PEX26: variants seen among roughly 807,000 people sequenced by gnomAD.
PEX26 encodes the protein peroxisomal biogenesis factor 26.
A neutral mutation model predicts 31.4 loss-of-function variants in PEX26; 18 were observed. The ratio of observed to expected loss-of-function variants is 0.57; its 90% CI spans 0.40 to 0.85. The LOEUF is 0.85. PEX26 is among the 40% of genes least tolerant of loss of function. PEX26 has a pLI of 0.00. For synonymous variants in PEX26, 176 were observed against 166.9 expected, an observed-to-expected ratio of 1.05 and a Z score of -0.42; for missense variants, 377 against 383.9, an observed-to-expected ratio of 0.98 and a Z score of 0.15.
At position 18,089,934 on chromosome 22, in the gene PEX26, A is replaced by C. The variant is rs146739242; in HGVS notation, c.*1859A>C. 0.035 allele frequency: 5,290 copies of C among 152,060 alleles called. 275 individuals carry two copies. Among genetic ancestry groups the C allele is most frequent in the African/African-American group, 0.12 (4,937 of 41,466 alleles). The allele number at this position is 152,060 out of a possible 1,614,324, so 9.4% of individuals were successfully genotyped here. ...AGCCGGGATGGTCTCGATCTCCTGA[A>C]CTTGTGATCCACCCACCTAGGCCTC... On this transcript the variant is annotated 3_prime_UTR_variant, in exon 5 of 5. Transcript: ENST00000399744.
At chr22:18,086,233 A>G (rs1468869091) in intron 4 of PEX26, among the ~76,000 whole-genome samples, 2 of 152,132 alleles carry the variant, frequency 1.3e-5, no homozygotes, top group Non-Finnish European at 2.9e-5. Context: ...CAGGAGGCGG[A>G]GGTTGCAGTG....
At chr22:18,078,632 C>G in intron 1 of PEX26, 26 bp downstream of exon 1, 1 of 1,578,414 alleles carries the variant, frequency 6.3e-7, no homozygotes, top group East Asian at 2.3e-5. Flanking sequence ...GGAAATGAAC[C>G]GATTTCCGGG....
rs1415381952 is a variant in PEX26, at chr22:18,103,075, A to G, written c.*15000A>G. 1 of 115,048 alleles carries G rather than the reference A, an allele frequency of 8.7e-6. No individual in the cohort carries two copies. Among genetic ancestry groups the G allele is most frequent in the Admixed American group, 1.3e-4 (1 of 7,818 alleles). 7.1% of individuals were successfully genotyped at this position (115,048 alleles called of 1,614,324 possible). The stretch of plus-strand genomic sequence containing the variant: ...GCTATTGCACTCCAGCCTGGGCGAC[A>G]GTGTGCGACTGCATCTCAAAAAAAA... On this transcript the variant is annotated 3_prime_UTR_variant, in exon 5 of 5. Coordinates refer to ENST00000399744, the MANE Select transcript of PEX26 (RefSeq NM_001127649.3).
rs375516733 is a variant in PEX26, at chr22:18,083,538, C to A, written c.473C>A (p.Ala158Asp). 1.1e-5 allele frequency: 18 copies of A among 1,613,998 alleles called. No homozygotes were observed. The highest frequency in any genetic ancestry group is 1.7e-5 in the Admixed American group (1 of 60,000). ...PANQNLPEYG[A>D]LAEFHVQRVL... is the part of the protein sequence containing the mutation. ...AATCAAAACCTTCCAGAATATGGAG[C>A]CTTGGCAGAATTTCACGTGCAGCGG... Residue 158 changes from alanine (A) to aspartate (D), a missense_variant, in exon 3 of 5, where the codon GCC (alanine) becomes GAC (aspartate). By Grantham distance (126) the Ala-to-Asp change is moderately radical. Transcript: ENST00000399744.
chr22:18,096,900 T>G lies in PEX26; in HGVS notation c.*8825T>G, dbSNP rs187684083. The G allele has an allele frequency of 2.6e-5, 4 of 152,334 alleles. No homozygotes were observed. The highest frequency in any genetic ancestry group is 9.6e-5 in the African/African-American group (4 of 41,576). The allele number at this position is 152,334 out of a possible 1,614,324, so 9.4% of individuals were successfully genotyped here. A position where few individuals can be genotyped will look rare whatever the true frequency, so the allele number is the denominator to read the frequency against. On this transcript the variant is annotated 3_prime_UTR_variant, in exon 5 of 5. Coordinates refer to ENST00000399744, the MANE Select transcript of PEX26 (RefSeq NM_001127649.3). ...GAAGTATCAGAGACTGGGTAATTGT[T>G]GAAGAAAAGAGGTTTAACTGACTCA...
At position 18,099,914 on chromosome 22, in the gene PEX26, G is replaced by C. The variant is rs1927402628; in HGVS notation, c.*11839G>C. On this transcript the variant is annotated 3_prime_UTR_variant, in exon 5 of 5. Transcript: ENST00000399744. ...CCCTAATCCAGGATGATCTCATCTT[G>C]AGGTCCTCAATTACATCAAGATCCT... The C allele has an allele frequency of 6.6e-6, 1 of 152,096 alleles. No homozygotes were observed. The highest frequency in any genetic ancestry group is 1.5e-5 in the Non-Finnish European group (1 of 68,032). 9.4% of individuals were successfully genotyped at this position (152,096 alleles called of 1,614,324 possible).
intron 4 of PEX26, among the ~76,000 whole-genome samples, chr22:18,086,131 C>T (rs369546520): frequency 4.6e-5 from 7 of 152,106 alleles, no homozygotes; most frequent in East Asian, 1.9e-4. Context: ...AACCCCGTCT[C>T]TACTAAAAAT....
Position 18,093,523 on chromosome 22 carries a change from A to C in PEX26, c.*5448A>C, listed in dbSNP as rs1474389850. Reference sequence around the variant, plus strand: ...GCTTGCAGTGAGCCTAGATGGCGCCACTGCACTCCAGCCTGGGGGACAGAG... The same window carrying C: ...GCTTGCAGTGAGCCTAGATGGCGCCCCTGCACTCCAGCCTGGGGGACAGAG... On this transcript the variant is annotated 3_prime_UTR_variant, in exon 5 of 5. Coordinates refer to ENST00000399744, the MANE Select transcript of PEX26 (RefSeq NM_001127649.3). The C allele has an allele frequency of 6.6e-6, 1 of 151,726 alleles. No individual in the cohort carries two copies. The highest frequency in any genetic ancestry group is 1.9e-4 in the East Asian group (1 of 5,164). 9.4% of individuals were successfully genotyped at this position (151,726 alleles called of 1,614,324 possible).
rs1927540748 is a variant in PEX26 at position 18,104,064 on chromosome 22, T to C, written c.*15989T>C. On this transcript the variant is annotated 3_prime_UTR_variant, in exon 5 of 5. Transcript: ENST00000399744. ...CAATATGTGAAGTGATTGGAAAAAATGAGACTATTCAACCAGTTGTTTCAG... is the reference window on the plus strand; with the variant it reads ...CAATATGTGAAGTGATTGGAAAAAACGAGACTATTCAACCAGTTGTTTCAG... 1 of 151,982 alleles carries C rather than the reference T, an allele frequency of 6.6e-6. No individual in the cohort carries two copies. Among genetic ancestry groups the C allele is most frequent in the Non-Finnish European group, 1.5e-5 (1 of 68,022 alleles). 9.4% of individuals were successfully genotyped at this position (151,982 alleles called of 1,614,324 possible). A position where few individuals can be genotyped will look rare whatever the true frequency, so the allele number is the denominator to read the frequency against.
chr22:18,093,816 A>T lies in PEX26; in HGVS notation c.*5741A>T, dbSNP rs1170038823. The T allele has an allele frequency of 3.9e-5, 6 of 152,374 alleles. No homozygotes were observed. Among genetic ancestry groups the T allele is most frequent in the Admixed American group, 3.9e-4 (6 of 15,308 alleles). 9.4% of individuals were successfully genotyped at this position (152,374 alleles called of 1,614,324 possible). On this transcript the variant is annotated 3_prime_UTR_variant, in exon 5 of 5. Coordinates refer to ENST00000399744, the MANE Select transcript of PEX26 (RefSeq NM_001127649.3). ...AGCCCATGCACTTGAGAACCTGTAG[A>T]AAATGGCAGTGTGCAACCAGCATGG...
Position 18,093,420 on chromosome 22 carries a change from GGGCGTGGT to G in PEX26, c.*5350_*5357del, listed in dbSNP as rs1927182045. On this transcript the variant is annotated 3_prime_UTR_variant, in exon 5 of 5. Transcript: ENST00000399744. ...ACTAAAAAAATACAAAAAATTAGCC[GGGCGTGGT>G]GGCGGGTGCCTGTAGCCCCAGCTAC... 1 of 152,030 alleles carries G rather than the reference GGGCGTGGT, an allele frequency of 6.6e-6. No homozygotes were observed. The highest frequency in any genetic ancestry group is 1.5e-5 in the Non-Finnish European group (1 of 68,028). The allele number at this position is 152,030 out of a possible 1,614,324, so 9.4% of individuals were successfully genotyped here. A position where few individuals can be genotyped will look rare whatever the true frequency, so the allele number is the denominator to read the frequency against.
chr22:18,078,282 C>G lies in PEX26; in HGVS notation c.-95C>G. 1 of 874,474 alleles carries G rather than the reference C, an allele frequency of 1.1e-6. No individual in the cohort carries two copies. Among genetic ancestry groups the G allele is most frequent in the Non-Finnish European group, 1.9e-6 (1 of 539,896 alleles). 54.2% of individuals were successfully genotyped at this position (874,474 alleles called of 1,614,324 possible). A position where few individuals can be genotyped will look rare whatever the true frequency, so the allele number is the denominator to read the frequency against. On this transcript the variant is annotated 5_prime_UTR_variant, in exon 1 of 5. Transcript: ENST00000399744. Reference sequence around the variant, plus strand: ...GTGTGGGCAAAGAGATGAGGACTCTCCCTCTTCGCCCAGGCCAACTCGGGA... The same window carrying G: ...GTGTGGGCAAAGAGATGAGGACTCTGCCTCTTCGCCCAGGCCAACTCGGGA...
Position 18,078,035 on chromosome 22 carries a change from G to A in PEX26, c.-342G>A. 1 of 492,728 alleles carries A rather than the reference G, an allele frequency of 2.0e-6. No homozygotes were observed. Among genetic ancestry groups the A allele is most frequent in the Non-Finnish European group, 3.9e-6 (1 of 253,548 alleles). The allele number at this position is 492,728 out of a possible 1,614,324, so 30.5% of individuals were successfully genotyped here. A position where few individuals can be genotyped will look rare whatever the true frequency, so the allele number is the denominator to read the frequency against. ...GAGCGCAAAGATGTCCGCGCCCGCT[G>A]CCGGGAGGCGAGGTGAGTCTTTGAT... On this transcript the variant is annotated 5_prime_UTR_variant, in exon 1 of 5. Transcript: ENST00000399744.
Position 18,088,066 on chromosome 22 carries a change from C to A in PEX26, c.909C>A (p.Ile303=), listed in dbSNP as rs748614163. The change falls in exon 5 of 5, where the codon ATC becomes ATA. Residue 303 remains isoleucine, a synonymous_variant. Transcript: ENST00000399744. This position sits in a 1 kb window ranked among gnomAD's most constrained non-coding sequence, Gnocchi z 4.1. The part of the protein sequence containing the change: ...AAFSRLYQLR[I]RD ...TTTCTCGCCTCTACCAGCTCCGCATCCGTGACTGAGGGTCCCTGCGCACCA... is the reference window on the plus strand; with the variant it reads ...TTTCTCGCCTCTACCAGCTCCGCATACGTGACTGAGGGTCCCTGCGCACCA... The A allele has an allele frequency of 6.2e-7, 1 of 1,607,264 alleles. No homozygotes were observed. The highest frequency in any genetic ancestry group is 2.2e-5 in the East Asian group (1 of 44,844).
chr22:18,099,349 C>T lies in PEX26; in HGVS notation c.*11274C>T, dbSNP rs1224086486. ...CTGGGGCCTAGCATGGCTCTGCTGC[C>T]ACGTAGGATGACTGGACCTCTTTCC... On this transcript the variant is annotated 3_prime_UTR_variant, in exon 5 of 5. Transcript: ENST00000399744. 3 of 152,154 alleles carry T rather than the reference C, an allele frequency of 2.0e-5. No homozygotes were observed. Among genetic ancestry groups the T allele is most frequent in the Admixed American group, 6.5e-5 (1 of 15,278 alleles). The allele number at this position is 152,154 out of a possible 1,614,324, so 9.4% of individuals were successfully genotyped here. A position where few individuals can be genotyped will look rare whatever the true frequency, so the allele number is the denominator to read the frequency against.
At position 18,093,092 on chromosome 22, in the gene PEX26, A is replaced by C. The variant is rs1927167993; in HGVS notation, c.*5017A>C. The C allele has an allele frequency of 6.6e-6, 1 of 152,174 alleles. No individual in the cohort carries two copies. 9.4% of individuals were successfully genotyped at this position (152,174 alleles called of 1,614,324 possible). A position where few individuals can be genotyped will look rare whatever the true frequency, so the allele number is the denominator to read the frequency against. On this transcript the variant is annotated 3_prime_UTR_variant, in exon 5 of 5. Transcript: ENST00000399744. ...ACGCAGTCCTGGGAACCCTTCAATAAGAGCAAAGCAGGAGTTTGTTTTTTC... is the reference window on the plus strand; with the variant it reads ...ACGCAGTCCTGGGAACCCTTCAATACGAGCAAAGCAGGAGTTTGTTTTTTC...
chr22:18,098,788 C>T lies in PEX26; in HGVS notation c.*10713C>T, dbSNP rs13055919. 6.6e-6 allele frequency: 1 copy of T among 150,530 alleles called. No individual in the cohort carries two copies. The highest frequency in any genetic ancestry group is 1.9e-4 in the East Asian group (1 of 5,170). 9.3% of individuals were successfully genotyped at this position (150,530 alleles called of 1,614,324 possible). ...TAGACATATATATATAATATATATA[C>T]ACATATGCAATGGAGTAATGAAAAT... On this transcript the variant is annotated 3_prime_UTR_variant, in exon 5 of 5. Transcript: ENST00000399744.
chr22:18,084,237 CTTTTT>C (rs362041), intron 3 of PEX26, among the ~76,000 whole-genome samples: 10 of 95,330 alleles, frequency 1.0e-4, no homozygotes, highest in African/African-American at 1.9e-4. Flanking sequence ...ATCTCTCTCT[CTTTTT>C]TTTTTTTTTT....
chr22:18,078,454 C>G lies in PEX26; in HGVS notation c.78C>G (p.Arg26=). ...CCCTGCGCAGCAGCGAGCCGGTGCG[C>G]GCGGTCCCGGCCCGGGCGCCGGCCG... is the stretch of plus-strand genomic sequence containing the variant. ...GGPLRSSEPV[R]AVPARAPAVD... The change falls in exon 1 of 5, where the codon CGC becomes CGG. Residue 26 remains arginine, a synonymous_variant. Transcript: ENST00000399744. 2.5e-6 allele frequency: 4 copies of G among 1,578,012 alleles called. No individual in the cohort carries two copies. In the Admixed American group the frequency reaches 5.4e-5, roughly 21 times the overall value.
Sources: allele counts gnomAD v4.1 joint callset (sites outside exome capture counted in the v4.1 genomes callset), GRCh38; gene constraint gnomAD v4.1.1; non-coding constraint Gnocchi (gnomAD v3.1); transcripts MANE v1.5; gene names NCBI Gene and HGNC (gene_info 2026-07-23, HGNC 2026-07-21).